SPRR2B: variants seen among roughly 807,000 people sequenced by gnomAD.
SPRR2B encodes the protein small proline-rich protein 2B.
In SPRR2B, 1 loss-of-function variant was observed where a neutral mutation model predicts 1.0. The observed-to-expected ratio is 1.01, with a 90% CI of 0.36 to 4.77. The LOEUF is 4.77. Ranked by LOEUF, SPRR2B falls within the 30% of genes most tolerant of loss-of-function variation. The probability of loss-of-function intolerance (pLI) is 0.16; values close to 1 mark genes in which losing one functional copy is unlikely to be tolerated. For missense variants in SPRR2B, 53 were observed against 88.7 expected, an observed-to-expected ratio of 0.60 and a Z score of 1.62; for synonymous variants, 27 against 33.4, an observed-to-expected ratio of 0.81 and a Z score of 0.66.
chr1:153,082,305 TG>T, the SPRR2B span, among the ~76,000 whole-genome samples: 1 of 152,186 alleles, frequency 6.6e-6, no homozygotes, highest in African/African-American at 2.4e-5. Flanking sequence ...TTACTTTAAA[TG>T]CAAATGAATT....
chr1:153,070,449 A>G lies in SPRR2B; in HGVS notation c.*172T>C, dbSNP rs2101609899. 1 of 1,298,756 alleles carries G rather than the reference A, an allele frequency of 7.7e-7. No homozygotes were observed. The highest frequency in any genetic ancestry group is 1.0e-6 in the Non-Finnish European group (1 of 959,038). 80.5% of individuals were successfully genotyped at this position (1,298,756 alleles called of 1,614,324 possible). A position where few individuals can be genotyped will look rare whatever the true frequency, so the allele number is the denominator to read the frequency against. On this transcript the variant is annotated 3_prime_UTR_variant, in exon 2 of 2. Coordinates refer to ENST00000368755, the MANE Select transcript of SPRR2B (RefSeq NM_001388198.1). ...TGGACAGTGGCAGTATGGCAGCCTT[A>G]GAAAGGAAACCTTTTGCTATCAGGG... is the stretch of plus-strand genomic sequence containing the variant.
At chr1:153,084,624 G>A in the SPRR2B span, among the ~76,000 whole-genome samples, 2 of 152,102 alleles carry the variant, frequency 1.3e-5, no homozygotes, top group African/African-American at 4.8e-5. Context: ...TGTGGTGAAT[G>A]TCCCCACAGA....
chr1:153,073,738 G>A (rs567047013), upstream of SPRR2B, among the ~76,000 whole-genome samples: 38 of 142,426 alleles, frequency 2.7e-4, no homozygotes, highest in African/African-American at 1.0e-3. Context: ...CACACAACAT[G>A]AGTCTTTATC....
At chr1:153,085,124 G>C in the SPRR2B span, among the ~76,000 whole-genome samples, 1 of 152,180 alleles carries the variant, frequency 6.6e-6, no homozygotes, top group East Asian at 1.9e-4. Flanking sequence ...AGGTGTCTTT[G>C]TTCCTCCAAA....
chr1:153,076,329 GTTA>G (rs1255563509), upstream of SPRR2B, among the ~76,000 whole-genome samples: 1 of 152,134 alleles, frequency 6.6e-6, no homozygotes, highest in Non-Finnish European at 1.5e-5. Flanking sequence ...AAATTCAAGA[GTTA>G]TTAGTAATAT....
the SPRR2B span, among the ~76,000 whole-genome samples, chr1:153,078,504 C>A: frequency 6.6e-6 from 1 of 151,874 alleles, no homozygotes; most frequent in African/African-American, 2.4e-5. Flanking sequence ...CAAATGCTAT[C>A]CCTCCCCTCT....
the SPRR2B span, among the ~76,000 whole-genome samples, chr1:153,085,052 G>A: frequency 2.6e-5 from 4 of 152,288 alleles, no homozygotes; most frequent in Non-Finnish European, 4.4e-5. Flanking sequence ...AAGATTGAAG[G>A]AATATAAGCA....
chr1:153,074,272 T>A (rs949859624), upstream of SPRR2B, among the ~76,000 whole-genome samples: 5 of 152,266 alleles, frequency 3.3e-5, no homozygotes, highest in African/African-American at 4.8e-5. Context: ...TTGTGTAATA[T>A]TTGATTCAAC....
chr1:153,072,736 AT>A (rs1214519637), upstream of SPRR2B, among the ~76,000 whole-genome samples: 1 of 152,176 alleles, frequency 6.6e-6, no homozygotes, highest in African/African-American at 2.4e-5. Context: ...AACCTGCTAG[AT>A]TATCAATTCA....
upstream of SPRR2B, among the ~76,000 whole-genome samples, chr1:153,073,866 T>G (rs1654722355): frequency 1.3e-5 from 2 of 152,202 alleles, no homozygotes; most frequent in African/African-American, 4.8e-5. Flanking sequence ...TAAGTATGAA[T>G]GATTAGTACT....
chr1:153,081,969 C>T, the SPRR2B span, among the ~76,000 whole-genome samples: 1 of 152,058 alleles, frequency 6.6e-6, no homozygotes, highest in Non-Finnish European at 1.5e-5. Flanking sequence ...CATGTGCCAC[C>T]ACATCCAGCT....
the SPRR2B span, among the ~76,000 whole-genome samples, chr1:153,080,480 C>T: frequency 6.6e-6 from 1 of 151,952 alleles, no homozygotes; most frequent in Non-Finnish European, 1.5e-5. Flanking sequence ...ATGAACTTTT[C>T]CAATCACAGT....
chr1:153,072,736 A>AT (rs1214519637), upstream of SPRR2B, among the ~76,000 whole-genome samples: 1 of 152,176 alleles, frequency 6.6e-6, no homozygotes, highest in Non-Finnish European at 1.5e-5. Context: ...AACCTGCTAG[A>AT]TTATCAATTC....
the SPRR2B span, among the ~76,000 whole-genome samples, chr1:153,084,055 C>G: frequency 6.6e-6 from 1 of 152,188 alleles, no homozygotes; most frequent in South Asian, 2.1e-4. Context: ...CCTTGCAGAA[C>G]AAACTCTGGT....
the SPRR2B span, among the ~76,000 whole-genome samples, chr1:153,079,291 A>G: frequency 2.0e-5 from 3 of 152,096 alleles, no homozygotes; most frequent in African/African-American, 7.2e-5. Flanking sequence ...GTAGATTGCA[A>G]AAATTTTCTC....
At chr1:153,071,445 T>C (rs1327599740) in intron 1 of SPRR2B, among the ~76,000 whole-genome samples, 124 bp downstream of exon 1, 1 of 152,232 alleles carries the variant, frequency 6.6e-6, no homozygotes, top group Non-Finnish European at 1.5e-5. Flanking sequence ...TCTAATCCTG[T>C]ATTTCCATCC....
chr1:153,087,657 C>T, the SPRR2B span, among the ~76,000 whole-genome samples: 1 of 151,998 alleles, frequency 6.6e-6, no homozygotes, highest in Non-Finnish European at 1.5e-5. Context: ...AAAACAAATG[C>T]ATTCTTGGAC....
chr1:153,070,323 TC>T lies in SPRR2B; in HGVS notation c.*297del, dbSNP rs1354242838. Reference sequence around the variant, plus strand: ...AGGTGAAAGACAGACACAGAACACATCAACAGAATTCTCTGATGGTTCCCAG... The same window carrying T: ...AGGTGAAAGACAGACACAGAACACATAACAGAATTCTCTGATGGTTCCCAG... On this transcript the variant is annotated 3_prime_UTR_variant, in exon 2 of 2. Transcript: ENST00000368755. The T allele has an allele frequency of 1.8e-6, 1 of 550,814 alleles. No homozygotes were observed. Among genetic ancestry groups the T allele is most frequent in the African/African-American group, 1.9e-5 (1 of 53,206 alleles). 34.1% of individuals were successfully genotyped at this position (550,814 alleles called of 1,614,324 possible). A position where few individuals can be genotyped will look rare whatever the true frequency, so the allele number is the denominator to read the frequency against.
chr1:153,072,037 G>A (rs1654677158), upstream of SPRR2B, among the ~76,000 whole-genome samples: 1 of 152,200 alleles, frequency 6.6e-6, no homozygotes, highest in Admixed American at 6.5e-5. Flanking sequence ...TCTGGCCACA[G>A]ATTTTTTTGC....
Sources: gnomAD v4.1 joint callset for allele counts (sites outside exome capture counted in the v4.1 genomes callset) on GRCh38, gnomAD v4.1.1 for gene constraint, MANE v1.5 for transcripts, NCBI Gene and HGNC (gene_info 2026-07-23, HGNC 2026-07-21) for gene names.